Variants in TIAM2 observed in about 807,000 individuals in gnomAD.
The protein encoded by TIAM2 is rho guanine nucleotide exchange factor TIAM2.
Under a neutral mutation model 152.9 loss-of-function variants are expected in TIAM2, and 80 were observed. The ratio of observed to expected loss-of-function variants is 0.52; its 90% CI spans 0.44 to 0.63. TIAM2 has a LOEUF of 0.63. Among genes scored for constraint, TIAM2 ranks in the 30% least tolerant of loss-of-function variants. The pLI is 0.00. For missense variants in TIAM2, 1,965 were observed against 2,120.1 expected (o/e 0.93, Z 1.44); for synonymous variants, 804 against 838.0 (o/e 0.96, Z 0.70).
rs533472580 is a variant in TIAM2, at chr6:155,168,505, T to C, written c.2361+3096T>C. ...CTGAGTAGCTGGGACCACAGGCGGG[T>C]GCCACCACATCTGGCTAATTTTTGT... is the stretch of plus-strand genomic sequence containing the variant. On this transcript the variant is annotated intron_variant, in intron 9 of 26. Coordinates refer to ENST00000682666, the MANE Select transcript of TIAM2 (RefSeq NM_012454.4). 1.9e-3 allele frequency among the ~76,000 whole-genome samples: 295 copies of C among 151,898 alleles called. 1 individual carries two copies. The highest frequency in any genetic ancestry group is 6.8e-3 in the African/African-American group (283 of 41,484).
chr6:155,040,378 A>G (rs189763268), intron 1 of TIAM2, among the ~76,000 whole-genome samples: 337 of 152,296 alleles, frequency 2.2e-3, no homozygotes, highest in Non-Finnish European at 3.6e-3. Context: ...AGATGGCCCC[A>G]TTGGAAGCAA....
At chr6:155,192,705 T>C (rs1190486301) in intron 14 of TIAM2, among the ~76,000 whole-genome samples, 1 of 152,242 alleles carries the variant, frequency 6.6e-6, no homozygotes, top group East Asian at 1.9e-4. Flanking sequence ...AATGTGCATC[T>C]TAATAGAAGA....
chr6:155,147,222 A>G (rs767979133), intron 6 of TIAM2, among the ~76,000 whole-genome samples: 209 of 133,144 alleles, frequency 1.6e-3, no homozygotes, highest in Non-Finnish European at 2.7e-3. Flanking sequence ...GTAATTTTAT[A>G]TCCAGGTTTC....
intron 14 of TIAM2, among the ~76,000 whole-genome samples, chr6:155,195,978 G>T (rs1337802639): frequency 2.0e-5 from 3 of 152,236 alleles, no homozygotes; most frequent in Non-Finnish European, 4.4e-5. Context: ...TTATTGGAGG[G>T]AAGGGAGAAG....
chr6:155,157,475 A>AT (rs550174911), intron 7 of TIAM2, among the ~76,000 whole-genome samples: 3 of 151,472 alleles, frequency 2.0e-5, no homozygotes, highest in African/African-American at 7.3e-5. Flanking sequence ...AGAATTAAAA[A>AT]TTTTTTTAAA....
intron 15 of TIAM2, among the ~76,000 whole-genome samples, chr6:155,223,290 A>T (rs2115247003): frequency 6.6e-6 from 1 of 152,340 alleles, no homozygotes; most frequent in East Asian, 1.9e-4. Flanking sequence ...GTTATCAAGT[A>T]CCTGCAATAT....
chr6:155,020,439 T>G (rs924205633), intron 1 of TIAM2, among the ~76,000 whole-genome samples: 21 of 152,176 alleles, frequency 1.4e-4, no homozygotes, highest in Non-Finnish European at 2.9e-5. Flanking sequence ...ATTATTGTGG[T>G]CAAATTACTG....
intron 9 of TIAM2, among the ~76,000 whole-genome samples, chr6:155,176,218 T>A (rs1340582079): frequency 6.6e-6 from 1 of 152,082 alleles, no homozygotes; most frequent in Non-Finnish European, 1.5e-5. Context: ...TCAGCAGCCC[T>A]TACATGGATT....
At position 155,176,871 on chromosome 6, in the gene TIAM2, A is replaced by T. The variant is rs374407394; in HGVS notation, c.2417A>T (p.Asn806Ile). The change falls in exon 10 of 27, where the codon AAT becomes ATT. Residue 806 changes from asparagine (N) to isoleucine (I), a missense_variant. Coordinates refer to ENST00000682666, the MANE Select transcript of TIAM2 (RefSeq NM_012454.4). Reference protein sequence around the residue: ...GSTVDGVPRDNAWEIQTYVHF... With the variant: ...GSTVDGVPRDIAWEIQTYVHF... ...ACAGTAGACGGTGTTCCCCGAGACAATGCATGGGAAATCCAGACTTATGTC... is the reference window on the plus strand; with the variant it reads ...ACAGTAGACGGTGTTCCCCGAGACATTGCATGGGAAATCCAGACTTATGTC... The T allele has an allele frequency of 1.2e-6, 2 of 1,614,144 alleles. No homozygotes were observed. Among genetic ancestry groups the T allele is most frequent in the Non-Finnish European group, 1.7e-6 (2 of 1,179,976 alleles).
chr6:155,116,634 G>A (rs1355289235), intron 2 of TIAM2, among the ~76,000 whole-genome samples: 1 of 152,210 alleles, frequency 6.6e-6, no homozygotes, highest in East Asian at 1.9e-4. Context: ...ATCTGCTTCT[G>A]ATGTACTGAA....
chr6:155,234,237 A>G (rs1034285642), intron 15 of TIAM2, among the ~76,000 whole-genome samples: 4 of 152,120 alleles, frequency 2.6e-5, no homozygotes, highest in Admixed American at 2.6e-4. Context: ...GCATATGCAC[A>G]TCCTGTTAGG....
rs34425957 is a variant in TIAM2 at position 155,035,226 on chromosome 6, A to ATT, written c.-209+39747_-209+39748dup. Reference sequence around the variant, plus strand: ...TTCTTCGCCTTACATGTATCGTCCTATTTTTTTTTTTTTTGAAACGGAGTC... The same window carrying ATT: ...TTCTTCGCCTTACATGTATCGTCCTATTTTTTTTTTTTTTTTGAAACGGAGTC... On this transcript the variant is annotated intron_variant, in intron 1 of 26. Coordinates refer to ENST00000682666, the MANE Select transcript of TIAM2 (RefSeq NM_012454.4). Among the ~76,000 whole-genome samples the ATT allele has an allele frequency of 2.0e-3, 276 of 137,046 alleles. 2 individuals carry two copies. Among genetic ancestry groups the ATT allele is most frequent in the Middle Eastern group, 0.011 (3 of 268 alleles). The allele number at this position is 137,046 out of a possible 152,430, so 89.9% of individuals were successfully genotyped here.
At chr6:155,093,688 C>T (rs1214772520) in intron 2 of TIAM2, among the ~76,000 whole-genome samples, 2 of 152,178 alleles carry the variant, frequency 1.3e-5, no homozygotes, top group Non-Finnish European at 2.9e-5. Context: ...TGGTGTCTGA[C>T]GACTGGTTGG....
chr6:154,996,106 C>G (rs561003548), intron 1 of TIAM2, among the ~76,000 whole-genome samples: 21 of 152,344 alleles, frequency 1.4e-4, no homozygotes, highest in African/African-American at 4.8e-4. Flanking sequence ...TGAAAGCCGA[C>G]ACGTTGTGCC....
intron 2 of TIAM2, among the ~76,000 whole-genome samples, chr6:155,117,224 C>T (rs1779036828): frequency 6.6e-6 from 1 of 152,026 alleles, no homozygotes; most frequent in Admixed American, 6.6e-5. Flanking sequence ...TGGGCAGCCC[C>T]TGAGCCAGAA....
chr6:155,126,973 GGGAC>G, intron 2 of TIAM2, among the ~76,000 whole-genome samples: 1 of 152,096 alleles, frequency 6.6e-6, no homozygotes, highest in Non-Finnish European at 1.5e-5. Flanking sequence ...CCCTCAGAGG[GGGAC>G]CTCTTGCCCC....
intron 1 of TIAM2, among the ~76,000 whole-genome samples, chr6:155,024,201 T>C (rs1327153223): frequency 2.0e-5 from 3 of 152,210 alleles, no homozygotes; most frequent in African/African-American, 7.2e-5. Flanking sequence ...TACGGCCACG[T>C]TTCTTTGGTA....
At chr6:155,235,640 C>T (rs1474333787) in intron 15 of TIAM2, among the ~76,000 whole-genome samples, 1 of 152,200 alleles carries the variant, frequency 6.6e-6, no homozygotes, top group African/African-American at 2.4e-5. Context: ...TCCTTTTGGT[C>T]CCAAGTAATC....
chr6:155,129,669 C>T lies in TIAM2; in HGVS notation c.446C>T (p.Ser149Phe). 1 of 1,614,100 alleles carries T rather than the reference C, an allele frequency of 6.2e-7. No individual in the cohort carries two copies. The highest frequency in any genetic ancestry group is 8.5e-7 in the Non-Finnish European group (1 of 1,180,034). Residue 149 changes from serine to phenylalanine, a missense_variant, in exon 4 of 27, where the codon TCC (serine) becomes TTC (phenylalanine). Transcript: ENST00000682666. This position sits in a 1 kb window ranked among gnomAD's most constrained non-coding sequence, Gnocchi z 4.8. ...TACGGGAGGAATGAGAGCATTGCCT[C>T]CACCCCACCGGGCGAAGACCGCAAG... The part of the protein sequence containing the change: ...NCYGRNESIA[S>F]TPPGEDRKSP...
Sources: allele counts gnomAD v4.1 joint callset (sites outside exome capture counted in the v4.1 genomes callset), GRCh38; gene constraint gnomAD v4.1.1; non-coding constraint Gnocchi (gnomAD v3.1); transcripts MANE v1.5; gene names NCBI Gene and HGNC (gene_info 2026-07-23, HGNC 2026-07-21).